The following CCSER1 variants were observed in gnomAD, a reference collection of about 807,000 sequenced individuals.
CCSER1 encodes the protein coiled-coil serine rich protein 1, also known as serine-rich coiled-coil domain-containing protein 1.
A neutral mutation model predicts 82.0 loss-of-function variants in CCSER1; 41 were observed. The observed-to-expected ratio is 0.50, with a 90% CI of 0.39 to 0.65. The LOEUF (loss-of-function observed/expected upper bound fraction) is 0.65, where lower values mean the gene tolerates loss of function less well. Ranked by LOEUF, CCSER1 falls within the 30% of genes least tolerant of loss-of-function variation. CCSER1 has a pLI of 0.00. For missense variants in CCSER1, 1,119 were observed against 1,064.2 expected (o/e 1.05, Z -0.72); for synonymous variants, 414 against 383.9 (o/e 1.08, Z -0.92).
chr4:90,971,141 A>G, intron 9 of CCSER1, among the ~76,000 whole-genome samples: 1 of 151,972 alleles, frequency 6.6e-6, no homozygotes, highest in East Asian at 1.9e-4. Flanking sequence ...TCATACTATG[A>G]TAAAGACATA....
At chr4:90,799,907 C>G (rs937818426) in intron 7 of CCSER1, among the ~76,000 whole-genome samples, 5 of 152,200 alleles carry the variant, frequency 3.3e-5, no homozygotes, top group African/African-American at 1.2e-4. Flanking sequence ...TGAGAGCAGA[C>G]TGCCCCTTGC....
At chr4:91,416,155 G>A (rs1015624782) in intron 10 of CCSER1, among the ~76,000 whole-genome samples, 2 of 151,978 alleles carry the variant, frequency 1.3e-5, no homozygotes, top group Admixed American at 1.3e-4. Flanking sequence ...GGAAGTGAAG[G>A]ACCTCTTCAA....
chr4:90,483,282 G>T (rs901718182), intron 5 of CCSER1, among the ~76,000 whole-genome samples: 1 of 152,018 alleles, frequency 6.6e-6, no homozygotes, highest in African/African-American at 2.4e-5. Context: ...ACATGAGATG[G>T]GTCTCCTGAA....
chr4:91,106,931 G>A (rs1725674473), intron 10 of CCSER1, among the ~76,000 whole-genome samples: 1 of 152,188 alleles, frequency 6.6e-6, no homozygotes, highest in Non-Finnish European at 1.5e-5. Context: ...GCCACAGAAT[G>A]ACATTTTGCC....
chr4:90,461,058 T>TAAAAATATATAAAGCTGATCATGTTGC, intron 4 of CCSER1, among the ~76,000 whole-genome samples: 2 of 86,382 alleles, frequency 2.3e-5, no homozygotes, highest in African/African-American at 1.5e-4. Context: ...AGGCTATTTT[T>TAAAAATATATAAAGCTGATCATGTTGC]TTTTTTTTTT....
chr4:90,907,161 C>G (rs1725610050), intron 8 of CCSER1, among the ~76,000 whole-genome samples: 1 of 152,062 alleles, frequency 6.6e-6, no homozygotes. Flanking sequence ...AAACTTATGC[C>G]TAGACAAGTT....
intron 9 of CCSER1, among the ~76,000 whole-genome samples, chr4:90,955,296 G>A (rs1020300625): frequency 6.6e-6 from 1 of 152,168 alleles, no homozygotes; most frequent in African/African-American, 2.4e-5. Flanking sequence ...TTTCGGGAGT[G>A]CTACACTTGT....
intron 6 of CCSER1, among the ~76,000 whole-genome samples, chr4:90,633,205 C>A (rs1170278677): frequency 6.6e-6 from 1 of 152,020 alleles, no homozygotes; most frequent in African/African-American, 2.4e-5. Flanking sequence ...AAATGGATTT[C>A]ATTCTGTTTC....
chr4:91,174,206 T>G (rs1192468469), intron 10 of CCSER1, among the ~76,000 whole-genome samples: 1 of 152,154 alleles, frequency 6.6e-6, no homozygotes, highest in Non-Finnish European at 1.5e-5. Flanking sequence ...TAACACATTC[T>G]ATTTTGGATG....
chr4:91,249,903 C>T (rs560377400), intron 10 of CCSER1, among the ~76,000 whole-genome samples: 3 of 150,596 alleles, frequency 2.0e-5, no homozygotes, highest in African/African-American at 7.3e-5. Context: ...ATTCTTGACA[C>T]ATAGTAAGTG....
chr4:90,949,381 T>C (rs1732638406), intron 9 of CCSER1, among the ~76,000 whole-genome samples: 1 of 152,050 alleles, frequency 6.6e-6, no homozygotes, highest in African/African-American at 2.4e-5. Context: ...CTTGCAAGAA[T>C]ATTATAATAT....
At chr4:91,482,390 C>T in intron 10 of CCSER1, among the ~76,000 whole-genome samples, 1 of 46,274 alleles carries the variant, frequency 2.2e-5, no homozygotes, top group Non-Finnish European at 3.4e-5. Context: ...GCCTGGGTGA[C>T]AGAGCGAGAC....
At chr4:90,636,238 T>G (rs1042209741) in intron 6 of CCSER1, among the ~76,000 whole-genome samples, 1 of 151,842 alleles carries the variant, frequency 6.6e-6, no homozygotes, top group Non-Finnish European at 1.5e-5. Flanking sequence ...CTTTCCAAAG[T>G]GACATAAGAA....
At chr4:90,220,980 A>AT (rs1742037308) in intron 1 of CCSER1, among the ~76,000 whole-genome samples, 1 of 152,154 alleles carries the variant, frequency 6.6e-6, no homozygotes. Flanking sequence ...TAATTTGGCA[A>AT]TTTTTTGCAT....
chr4:90,502,242 TGGAG>T (rs1310537824), intron 5 of CCSER1, among the ~76,000 whole-genome samples: 1 of 152,036 alleles, frequency 6.6e-6, no homozygotes, highest in Non-Finnish European at 1.5e-5. Context: ...CTTACCAGCA[TGGAG>T]GAAGTGTGAA....
chr4:91,226,559 A>T (rs1417524279), intron 10 of CCSER1, among the ~76,000 whole-genome samples: 2 of 151,928 alleles, frequency 1.3e-5, no homozygotes, highest in African/African-American at 4.8e-5. Flanking sequence ...AGACATTTGG[A>T]TTGGACTCTG....
chr4:90,652,765 A>AT (rs773960753), intron 6 of CCSER1, among the ~76,000 whole-genome samples: 51 of 152,082 alleles, frequency 3.4e-4, no homozygotes, highest in Admixed American at 1.7e-3. Context: ...CCATTCAATC[A>AT]TTTTTGCTAG....
chr4:91,437,916 C>T (rs567752107), intron 10 of CCSER1, among the ~76,000 whole-genome samples: 81 of 152,296 alleles, frequency 5.3e-4, no homozygotes, highest in African/African-American at 1.9e-3. Context: ...AAGGCAGCAG[C>T]GAGGCAGGGG....
At chr4:90,721,022 T>G (rs2149364052) in intron 6 of CCSER1, among the ~76,000 whole-genome samples, 1 of 152,000 alleles carries the variant, frequency 6.6e-6, no homozygotes, top group Admixed American at 6.6e-5. Flanking sequence ...GTAGAAAGGA[T>G]TCTAGAGAGC....
Sources: allele counts gnomAD v4.1 joint callset (sites outside exome capture counted in the v4.1 genomes callset), GRCh38; gene constraint gnomAD v4.1.1; transcripts MANE v1.5; gene names NCBI Gene and HGNC (gene_info 2026-07-23, HGNC 2026-07-21).